Variants in SLCO1C1 observed in about 807,000 individuals in gnomAD.
SLCO1C1 encodes the protein OAT-RP-5.
SLCO1C1 carries 70 observed loss-of-function variants against 76.4 expected under a neutral mutation model. The observed-to-expected ratio is 0.92, with a 90% CI of 0.76 to 1.12. The LOEUF is 1.12. SLCO1C1 is among the 50% of genes most tolerant of loss of function. The pLI, the probability that SLCO1C1 is intolerant of heterozygous loss-of-function variation, is 0.00. For synonymous variants in SLCO1C1, 306 were observed against 286.1 expected (o/e 1.07, Z -0.70); for missense variants, 912 against 823.8 (o/e 1.11, Z -1.31).
At chr12:20,734,741 T>G (rs1454936870) in intron 10 of SLCO1C1, among the ~76,000 whole-genome samples, 1 of 152,236 alleles carries the variant, frequency 6.6e-6, no homozygotes, top group Admixed American at 6.5e-5. Flanking sequence ...AAAGATTAAA[T>G]ATTTTAAACA....
chr12:20,698,722 T>A (rs142569028), intron 1 of SLCO1C1, among the ~76,000 whole-genome samples: 1 of 152,162 alleles, frequency 6.6e-6, no homozygotes, highest in Non-Finnish European at 1.5e-5. Context: ...CTGATAATAT[T>A]AGGGAGATTG....
At chr12:20,706,198 T>C in intron 4 of SLCO1C1, 117 bp downstream of exon 4, 15 of 1,255,226 alleles carry the variant, frequency 1.2e-5, no homozygotes, top group Non-Finnish European at 1.5e-5. Context: ...TGTCTTACTT[T>C]TATTACATTC....
At chr12:20,725,815 C>A (rs1947953697) in intron 9 of SLCO1C1, among the ~76,000 whole-genome samples, 1 of 151,898 alleles carries the variant, frequency 6.6e-6, no homozygotes, top group Non-Finnish European at 1.5e-5. Flanking sequence ...TTGGAATTGT[C>A]AATTCTTTTC....
intron 4 of SLCO1C1, among the ~76,000 whole-genome samples, chr12:20,706,401 A>G (rs1237844726): frequency 6.6e-6 from 1 of 152,140 alleles, no homozygotes; most frequent in Non-Finnish European, 1.5e-5. Context: ...GGTAAATGTC[A>G]AATAGGTAAT....
At chr12:20,700,452 A>C (rs992548963) in intron 2 of SLCO1C1, among the ~76,000 whole-genome samples, 2 of 150,786 alleles carry the variant, frequency 1.3e-5, no homozygotes, top group African/African-American at 4.9e-5. Flanking sequence ...TTTTTTAATT[A>C]TTTTTTAATT....
In SLCO1C1 at chr12:20,740,787, T is replaced by TTTTATA. The variant is rs1217819863; in HGVS notation, c.1733+420_1733+421insTTATAT. Among the ~76,000 whole-genome samples, 132 of 75,074 alleles carry TTTTATA rather than the reference T, an allele frequency of 1.8e-3. 3 individuals are homozygous for TTTTATA. The highest frequency in any genetic ancestry group is 6.8e-3 in the African/African-American group (125 of 18,430). 49.3% of individuals were successfully genotyped at this position (75,074 alleles called of 152,430 possible). A position where few individuals can be genotyped will look rare whatever the true frequency, so the allele number is the denominator to read the frequency against. ...ACAACAATGTTAGAATTTATTTTAT[T>TTTTATA]TATATATATATATATATATATATAT... On this transcript the variant is annotated intron_variant, in intron 12 of 14. Transcript: ENST00000266509.
intron 14 of SLCO1C1, chr12:20,750,997 C>G (rs910070224): frequency 2.1e-6 from 2 of 966,832 alleles, no homozygotes; most frequent in African/African-American, 3.3e-5. Context: ...TACCTTGACC[C>G]CCATTTTAAA....
chr12:20,739,021 T>C (rs1325070158), intron 11 of SLCO1C1, among the ~76,000 whole-genome samples: 3 of 152,234 alleles, frequency 2.0e-5, no homozygotes, highest in African/African-American at 7.2e-5. Flanking sequence ...ATTATATATA[T>C]GCATTCATAA....
chr12:20,703,160 A>T (rs964855811), intron 3 of SLCO1C1, among the ~76,000 whole-genome samples: 1 of 152,048 alleles, frequency 6.6e-6, no homozygotes, highest in East Asian at 1.9e-4. Context: ...TTTGAGTTAC[A>T]TAAATTTCCA....
At chr12:20,720,526 G>A (rs772266056) in intron 7 of SLCO1C1, among the ~76,000 whole-genome samples, 4 of 152,142 alleles carry the variant, frequency 2.6e-5, no homozygotes, top group Middle Eastern at 3.2e-3. Context: ...CATAGGAGGA[G>A]GTCAAAATAT....
At chr12:20,742,333 G>GTT (rs56873865) in intron 12 of SLCO1C1, among the ~76,000 whole-genome samples, 6,380 of 145,044 alleles carry the variant, frequency 0.044, 203 homozygotes, top group Admixed American at 0.06. Context: ...GAAAAGTCAT[G>GTT]TTTTTTTTTT....
At chr12:20,723,451 G>A (rs1947782778) in intron 9 of SLCO1C1, among the ~76,000 whole-genome samples, 197 bp downstream of exon 9, 1 of 152,152 alleles carries the variant, frequency 6.6e-6, no homozygotes, top group Non-Finnish European at 1.5e-5. Flanking sequence ...AGCAGTTCTT[G>A]AAGTGATATC....
At chr12:20,731,570 A>T (rs1310478168) in intron 9 of SLCO1C1, among the ~76,000 whole-genome samples, 2 of 152,250 alleles carry the variant, frequency 1.3e-5, no homozygotes, top group Non-Finnish European at 2.9e-5. Flanking sequence ...ACTACAGTAC[A>T]TGCAAACTTT....
intron 13 of SLCO1C1, 51 bp from the exon 14 acceptor site, chr12:20,750,624 A>G: frequency 1.3e-6 from 2 of 1,530,834 alleles, no homozygotes; most frequent in South Asian, 1.1e-5. Flanking sequence ...TCGTTCATAG[A>G]CAAAAAGATG....
chr12:20,711,529 C>G lies in SLCO1C1; in HGVS notation c.529+19C>G. On this transcript the variant is annotated intron_variant, in intron 5 of 14. Transcript: ENST00000266509. ...AGTAACGGTAAGATCATTTTTTTGA[C>G]TTGACTAAACAAGCTTTTAAAAAAA... The G allele has an allele frequency of 6.2e-6, 10 of 1,609,520 alleles. No individual in the cohort carries two copies. Among genetic ancestry groups the G allele is most frequent in the Non-Finnish European group, 8.5e-6 (10 of 1,178,148 alleles).
chr12:20,726,101 A>G (rs1246978672), intron 9 of SLCO1C1, among the ~76,000 whole-genome samples: 1 of 152,094 alleles, frequency 6.6e-6, no homozygotes, highest in Non-Finnish European at 1.5e-5. Context: ...TACTTTGATT[A>G]TTTGTACGAT....
At chr12:20,736,717 AACAC>A (rs1025347535) in intron 10 of SLCO1C1, among the ~76,000 whole-genome samples, 2 of 151,854 alleles carry the variant, frequency 1.3e-5, no homozygotes, top group African/African-American at 2.4e-5. Context: ...GCACACACAC[AACAC>A]ACACACACAC....
At chr12:20,703,132 A>C (rs1031898056) in intron 3 of SLCO1C1, among the ~76,000 whole-genome samples, 3 of 151,936 alleles carry the variant, frequency 2.0e-5, no homozygotes, top group Admixed American at 1.3e-4. Context: ...CCCAAACATC[A>C]CAGGTTTGCC....
intron 13 of SLCO1C1, among the ~76,000 whole-genome samples, chr12:20,745,069 T>C (rs1259685424): frequency 6.6e-6 from 1 of 152,196 alleles, no homozygotes; most frequent in Non-Finnish European, 1.5e-5. Flanking sequence ...TATATGCATG[T>C]GCTAAGGCAT....
Sources: gnomAD v4.1 joint callset for allele counts (sites outside exome capture counted in the v4.1 genomes callset) on GRCh38, gnomAD v4.1.1 for gene constraint, MANE v1.5 for transcripts, NCBI Gene and HGNC (gene_info 2026-07-23, HGNC 2026-07-21) for gene names.